The following STXBP5L variants were observed in gnomAD, a reference collection of about 807,000 sequenced individuals.
STXBP5L encodes syntaxin binding protein 5L.
Under a neutral mutation model 144.5 loss-of-function variants are expected in STXBP5L, and 65 were observed. That is an observed-to-expected ratio of 0.45 (90% confidence interval 0.37 to 0.55). The LOEUF (loss-of-function observed/expected upper bound fraction) is 0.55. Ranked by LOEUF, STXBP5L falls within the 20% of genes least tolerant of loss-of-function variation. The pLI is 0.00. For missense variants in STXBP5L, 1,298 were observed against 1,405.5 expected (o/e 0.92, Z 1.22); for synonymous variants, 505 against 469.6 (o/e 1.08, Z -0.97).
intron 3 of STXBP5L, among the ~76,000 whole-genome samples, chr3:121,025,531 A>T (rs949126882): frequency 6.6e-6 from 1 of 152,112 alleles, no homozygotes; most frequent in African/African-American, 2.4e-5. Context: ...TAAATTGTAC[A>T]GACTTTCCAG....
intron 22 of STXBP5L, among the ~76,000 whole-genome samples, chr3:121,400,289 T>C (rs2046840215): frequency 6.6e-6 from 1 of 152,124 alleles, no homozygotes; most frequent in Non-Finnish European, 1.5e-5. Flanking sequence ...TTTCCACTGC[T>C]TTTGGGGCCT....
intron 3 of STXBP5L, among the ~76,000 whole-genome samples, chr3:121,005,194 G>T (rs981938181): frequency 2.0e-5 from 3 of 152,026 alleles, no homozygotes; most frequent in East Asian, 3.9e-4. Flanking sequence ...ACTTTTTTTG[G>T]TTGGTAGGCT....
chr3:121,065,739 T>C (rs1181053191), intron 5 of STXBP5L, among the ~76,000 whole-genome samples: 1 of 152,126 alleles, frequency 6.6e-6, no homozygotes, highest in Non-Finnish European at 1.5e-5. Context: ...AAAAAATATA[T>C]ATTATTAGCT....
At chr3:121,038,617 G>A (rs1186739131) in intron 3 of STXBP5L, among the ~76,000 whole-genome samples, 1 of 151,780 alleles carries the variant, frequency 6.6e-6, no homozygotes. Flanking sequence ...GGACAAGTTG[G>A]TTGATAGCCT....
intron 5 of STXBP5L, among the ~76,000 whole-genome samples, chr3:121,050,604 C>G (rs968691388): frequency 2.6e-5 from 4 of 152,130 alleles, no homozygotes; most frequent in Admixed American, 1.3e-4. Flanking sequence ...TGGAAAGGAA[C>G]AACCGGTACC....
At chr3:121,022,244 C>CTT (rs1314475163) in intron 3 of STXBP5L, among the ~76,000 whole-genome samples, 2 of 151,742 alleles carry the variant, frequency 1.3e-5, no homozygotes, top group African/African-American at 4.8e-5. Flanking sequence ...TAAACAGACT[C>CTT]TAAATAGTAA....
chr3:120,990,777 A>C (rs1342908158), intron 3 of STXBP5L, among the ~76,000 whole-genome samples: 1 of 152,236 alleles, frequency 6.6e-6, no homozygotes, highest in African/African-American at 2.4e-5. Context: ...GGCTAGCCAT[A>C]TGTAGAAAGC....
intron 3 of STXBP5L, among the ~76,000 whole-genome samples, chr3:121,031,339 C>T (rs954957965): frequency 6.6e-6 from 1 of 151,952 alleles, no homozygotes. Flanking sequence ...ATCCTATTGG[C>T]AACCAATAGG....
intron 19 of STXBP5L, among the ~76,000 whole-genome samples, chr3:121,286,772 C>T (rs190502560): frequency 1.3e-5 from 2 of 152,072 alleles, no homozygotes; most frequent in East Asian, 3.9e-4. Context: ...CACCCATTCC[C>T]CCAAAATAGA....
At chr3:121,053,153 A>G (rs1026463602) in intron 5 of STXBP5L, among the ~76,000 whole-genome samples, 2 of 152,198 alleles carry the variant, frequency 1.3e-5, no homozygotes, top group Non-Finnish European at 2.9e-5. Context: ...ATATCGTGAA[A>G]ATGGCCATAT....
At chr3:120,994,162 A>G (rs1287361396) in intron 3 of STXBP5L, among the ~76,000 whole-genome samples, 1 of 151,752 alleles carries the variant, frequency 6.6e-6, no homozygotes, top group Non-Finnish European at 1.5e-5. Context: ...AACTTTAATG[A>G]ATTTGTTTAT....
chr3:121,140,033 C>G (rs991937889), intron 7 of STXBP5L, among the ~76,000 whole-genome samples: 1 of 152,048 alleles, frequency 6.6e-6, no homozygotes, highest in Non-Finnish European at 1.5e-5. Flanking sequence ...ATGAAACACT[C>G]ATTTCTCACT....
intron 7 of STXBP5L, among the ~76,000 whole-genome samples, chr3:121,135,054 T>C (rs561499920): frequency 3.9e-5 from 6 of 152,306 alleles, no homozygotes; most frequent in Admixed American, 2.0e-4. Context: ...TCTCCACATC[T>C]TCTCCAGCAC....
chr3:120,977,946 A>G (rs1438362455), intron 3 of STXBP5L, among the ~76,000 whole-genome samples: 2 of 152,274 alleles, frequency 1.3e-5, no homozygotes, highest in Non-Finnish European at 2.9e-5. Context: ...CTTTGTGGGT[A>G]ACCCGACCTT....
intron 3 of STXBP5L, among the ~76,000 whole-genome samples, chr3:120,987,924 G>T (rs887545062): frequency 2.6e-5 from 4 of 151,654 alleles, no homozygotes; most frequent in Admixed American, 6.6e-5. Flanking sequence ...AAACCAACTG[G>T]GTCTGGAGAT....
intron 22 of STXBP5L, among the ~76,000 whole-genome samples, chr3:121,397,699 C>T (rs2046765551): frequency 6.6e-6 from 1 of 152,274 alleles, no homozygotes; most frequent in Middle Eastern, 3.4e-3. Flanking sequence ...TATAATTGTT[C>T]TGGAATTAGA....
At chr3:121,073,956 C>T (rs1052308661) in intron 5 of STXBP5L, among the ~76,000 whole-genome samples, 2 of 152,186 alleles carry the variant, frequency 1.3e-5, no homozygotes, top group Admixed American at 1.3e-4. Flanking sequence ...TCCTTAGACA[C>T]CTTATAGCCA....
At chr3:121,152,401 T>C (rs1047439278) in intron 7 of STXBP5L, 76 bp from the exon 8 acceptor site, 2 of 1,088,854 alleles carry the variant, frequency 1.8e-6, no homozygotes, top group African/African-American at 1.6e-5. Flanking sequence ...TTTTACTTTA[T>C]TAACATTAAA....
intron 19 of STXBP5L, among the ~76,000 whole-genome samples, chr3:121,294,711 C>T (rs2051578976): frequency 6.6e-6 from 1 of 151,800 alleles, no homozygotes; most frequent in African/African-American, 2.4e-5. Context: ...GGAATTTCAA[C>T]ATTTAATTTC....
Sources: allele counts gnomAD v4.1 joint callset (sites outside exome capture counted in the v4.1 genomes callset), GRCh38; gene constraint gnomAD v4.1.1; transcripts MANE v1.5; gene names NCBI Gene and HGNC (gene_info 2026-07-23, HGNC 2026-07-21).